Variants in CCSER1 observed in about 807,000 individuals in gnomAD.
The protein encoded by CCSER1 is serine-rich coiled-coil domain-containing protein 1.
A neutral mutation model predicts 82.0 loss-of-function variants in CCSER1; 41 were observed. The ratio of observed to expected loss-of-function variants is 0.50; its 90% CI spans 0.39 to 0.65. The LOEUF is 0.65. CCSER1 is among the 30% of genes least tolerant of loss of function. The pLI, the probability that CCSER1 is intolerant of heterozygous loss-of-function variation, is 0.00. For missense variants in CCSER1, 1,119 were observed against 1,064.2 expected (o/e 1.05, Z -0.72); for synonymous variants, 414 against 383.9 (o/e 1.08, Z -0.92).
rs148522870 is a variant in CCSER1, at chr4:90,273,365, A to C, written c.-41-34879A>C. ...CATGTTTAAAGATAATTGAAAGAAT[A>C]TAATTGTTTGTAACACAAAGGATCA... On this transcript the variant is annotated intron_variant, in intron 1 of 10. Transcript: ENST00000509176. 4.6e-5 allele frequency among the ~76,000 whole-genome samples: 7 copies of C among 152,286 alleles called. No individual in the cohort carries two copies. The East Asian group carries it at 1.4e-3, about 29-fold the overall frequency.
chr4:90,309,838 C>T (rs1440276977), intron 2 of CCSER1, among the ~76,000 whole-genome samples: 1 of 151,924 alleles, frequency 6.6e-6, no homozygotes, highest in Non-Finnish European at 1.5e-5. Flanking sequence ...TTTTTTCTCA[C>T]TTATGTTATC....
chr4:91,177,142 A>G (rs1733476843), intron 10 of CCSER1, among the ~76,000 whole-genome samples: 1 of 152,116 alleles, frequency 6.6e-6, no homozygotes, highest in African/African-American at 2.4e-5. Context: ...CATATGTTGA[A>G]CCAGCCTTGC....
chr4:91,464,423 T>C (rs1017087385), intron 10 of CCSER1, among the ~76,000 whole-genome samples: 1 of 152,106 alleles, frequency 6.6e-6, no homozygotes, highest in African/African-American at 2.4e-5. Context: ...AGACCATCGA[T>C]GCTAAGAAGA....
At chr4:90,159,014 A>T (rs540960173) in intron 1 of CCSER1, among the ~76,000 whole-genome samples, 6 of 152,058 alleles carry the variant, frequency 3.9e-5, no homozygotes, top group Non-Finnish European at 8.8e-5. Context: ...CTATTCGGCC[A>T]TCTTGGCTCC....
intron 10 of CCSER1, among the ~76,000 whole-genome samples, chr4:91,280,112 C>T (rs1454321854): frequency 1.3e-5 from 2 of 152,178 alleles, no homozygotes; most frequent in Non-Finnish European, 2.9e-5. Flanking sequence ...TTAAACAGGC[C>T]AGTCATTTGG....
chr4:91,161,919 C>T (rs1020331693), intron 10 of CCSER1, among the ~76,000 whole-genome samples: 1 of 152,082 alleles, frequency 6.6e-6, no homozygotes, highest in African/African-American at 2.4e-5. Flanking sequence ...TAATTGAATA[C>T]CCTGTATTTT....
chr4:91,159,771 T>G (rs932980793), intron 10 of CCSER1, among the ~76,000 whole-genome samples: 1 of 151,952 alleles, frequency 6.6e-6, no homozygotes, highest in Non-Finnish European at 1.5e-5. Context: ...AGAAAATTTT[T>G]GATGAACAAA....
At chr4:91,443,524 G>T in intron 10 of CCSER1, among the ~76,000 whole-genome samples, 1 of 118,762 alleles carries the variant, frequency 8.4e-6, no homozygotes, top group African/African-American at 3.1e-5. Context: ...GGGAGGGGGA[G>T]GGATAGCATT....
chr4:90,642,005 G>A (rs1466243239), intron 6 of CCSER1: 2 of 309,110 alleles, frequency 6.5e-6, no homozygotes, highest in Middle Eastern at 4.1e-4. Context: ...TGTGTGATTC[G>A]ATGGGCTAAA....
chr4:90,884,040 G>A (rs995265275), intron 8 of CCSER1, among the ~76,000 whole-genome samples: 2 of 152,044 alleles, frequency 1.3e-5, no homozygotes, highest in African/African-American at 4.8e-5. Flanking sequence ...AGTCAGTGAG[G>A]GGTAGAGGAG....
At chr4:91,388,268 A>T (rs1390859902) in intron 10 of CCSER1, among the ~76,000 whole-genome samples, 1 of 152,038 alleles carries the variant, frequency 6.6e-6, no homozygotes, top group African/African-American at 2.4e-5. Flanking sequence ...TTTGTTAAAA[A>T]TTTTTCTTGT....
chr4:90,738,341 G>C (rs979349041), intron 7 of CCSER1, among the ~76,000 whole-genome samples: 2 of 152,146 alleles, frequency 1.3e-5, no homozygotes, highest in South Asian at 4.1e-4. Context: ...GACACCCCAA[G>C]CTGAGTAATG....
intron 4 of CCSER1, among the ~76,000 whole-genome samples, chr4:90,454,698 T>C (rs1398254095): frequency 6.6e-6 from 1 of 152,128 alleles, no homozygotes; most frequent in Non-Finnish European, 1.5e-5. Context: ...ATCTGCTGCT[T>C]TCTGGGTGGC....
chr4:91,507,274 C>T (rs763104560), intron 10 of CCSER1, among the ~76,000 whole-genome samples: 11 of 152,142 alleles, frequency 7.2e-5, no homozygotes, highest in Non-Finnish European at 1.0e-4. Context: ...AATTTCTCCA[C>T]ATCATATCCA....
At chr4:91,392,809 G>A (rs1483202463) in intron 10 of CCSER1, among the ~76,000 whole-genome samples, 1 of 152,022 alleles carries the variant, frequency 6.6e-6, no homozygotes, top group African/African-American at 2.4e-5. Flanking sequence ...TATAAAGGGG[G>A]TTTTCCACAT....
intron 10 of CCSER1, among the ~76,000 whole-genome samples, chr4:91,544,760 G>A (rs1440708480): frequency 1.3e-5 from 2 of 150,356 alleles, no homozygotes; most frequent in Non-Finnish European, 3.0e-5. Flanking sequence ...CGGGGGTCAG[G>A]GACCCACTTG....
chr4:90,163,213 G>T (rs144424850), intron 1 of CCSER1, among the ~76,000 whole-genome samples: 236 of 152,048 alleles, frequency 1.6e-3, no homozygotes, highest in African/African-American at 5.4e-3. Context: ...TTTAAGCATT[G>T]CATTGTTAAA....
chr4:90,829,102 G>T (rs541500228), intron 8 of CCSER1, among the ~76,000 whole-genome samples: 1 of 152,074 alleles, frequency 6.6e-6, no homozygotes, highest in East Asian at 1.9e-4. Flanking sequence ...GTAGTCAAGA[G>T]AAATTATAGA....
At chr4:90,714,477 G>C (rs1187858441) in intron 6 of CCSER1, among the ~76,000 whole-genome samples, 1 of 150,778 alleles carries the variant, frequency 6.6e-6, no homozygotes, top group Non-Finnish European at 1.5e-5. Context: ...TAAATGAACT[G>C]AGGGATATGA....
Sources: allele counts gnomAD v4.1 joint callset (sites outside exome capture counted in the v4.1 genomes callset), GRCh38; gene constraint gnomAD v4.1.1; transcripts MANE v1.5; gene names NCBI Gene and HGNC (gene_info 2026-07-23, HGNC 2026-07-21).